The following ANKDD1A variants were observed in gnomAD, a reference collection of about 807,000 sequenced individuals.
ANKDD1A encodes the protein ankyrin repeat and death domain containing 1A, also known as ankyrin repeat and death domain-containing protein 1A.
ANKDD1A carries 59 observed loss-of-function variants against 63.5 expected under a neutral mutation model. The observed-to-expected ratio is 0.93, with a 90% confidence interval of 0.75 to 1.15. The LOEUF is 1.15. Ranked by LOEUF, ANKDD1A falls within the 50% of genes most tolerant of loss-of-function variation. ANKDD1A has a pLI of 0.00. For missense variants in ANKDD1A, 632 were observed against 656.4 expected (o/e 0.96, Z 0.41); for synonymous variants, 266 against 263.9 (o/e 1.01, Z -0.08).
intron 3 of ANKDD1A, among the ~76,000 whole-genome samples, chr15:64,917,835 G>A (rs2084981421): frequency 1.3e-5 from 2 of 152,218 alleles, no homozygotes; most frequent in African/African-American, 2.4e-5. Flanking sequence ...AAAGCACCAG[G>A]AGGAAAGTCT....
Position 64,949,948 on chromosome 15 carries a change from G to A in ANKDD1A, c.1459G>A (p.Ala487Thr). Reference sequence around the variant, plus strand: ...CAAAGCGCTGTTCGAGGGCCTCGTGGCCATTGGCAGGAGGGACCTGGCTGG... The same window carrying A: ...CAAAGCGCTGTTCGAGGGCCTCGTGACCATTGGCAGGAGGGACCTGGCTGG... ...PSKALFEGLV[A>T]IGRRDLAGWS... Residue 487 changes from alanine to threonine, a missense_variant, in exon 14 of 15, where the codon GCC becomes ACC. By Grantham distance (58) the Ala-to-Thr change is moderately conservative (BLOSUM62 0). Coordinates refer to ENST00000319580, the MANE Select transcript of ANKDD1A (RefSeq NM_182703.6). The A allele has an allele frequency of 3.1e-6, 5 of 1,610,122 alleles. No homozygotes were observed. The highest frequency in any genetic ancestry group is 4.2e-6 in the Non-Finnish European group (5 of 1,179,956).
In ANKDD1A at chr15:64,951,005, C is replaced by G; in HGVS notation, c.1483+1033C>G. On this transcript the variant is annotated intron_variant, in intron 14 of 14. Coordinates refer to ENST00000319580, the MANE Select transcript of ANKDD1A (RefSeq NM_182703.6). Reference sequence around the variant, plus strand: ...GCCCCGAGTGCCCCCAGGAGGTGCACAGCCATGTAACCGGAGGGGCCAGAC... The same window carrying G: ...GCCCCGAGTGCCCCCAGGAGGTGCAGAGCCATGTAACCGGAGGGGCCAGAC... 2.4e-6 allele frequency: 3 copies of G among 1,270,850 alleles called. No individual in the cohort carries two copies. The South Asian group carries it at 3.9e-5, about 16-fold the overall frequency. The allele number at this position is 1,270,850 out of a possible 1,614,324, so 78.7% of individuals were successfully genotyped here. A position where few individuals can be genotyped will look rare whatever the true frequency, so the allele number is the denominator to read the frequency against.
chr15:64,930,675 C>G (rs190860634), intron 6 of ANKDD1A, 147 bp from the exon 7 acceptor site: 1 of 678,014 alleles, frequency 1.5e-6, no homozygotes, highest in Admixed American at 2.9e-5. Context: ...GGGCTTGGCC[C>G]TTGAATCTGC....
intron 1 of ANKDD1A, among the ~76,000 whole-genome samples, chr15:64,914,410 CT>C (rs2084954869): frequency 6.6e-6 from 1 of 152,178 alleles, no homozygotes; most frequent in Non-Finnish European, 1.5e-5. Flanking sequence ...GCCTTAGCTT[CT>C]TGAGTAGCCG....
intron 14 of ANKDD1A, among the ~76,000 whole-genome samples, chr15:64,952,508 TCTTA>T (rs1013316186): frequency 4.6e-5 from 3 of 65,324 alleles, no homozygotes; most frequent in African/African-American, 1.7e-4. Flanking sequence ...TTCTCCTTCT[TCTTA>T]CTTTCTTCTT....
chr15:64,937,153 G>T (rs887169801), intron 9 of ANKDD1A, among the ~76,000 whole-genome samples: 2 of 149,970 alleles, frequency 1.3e-5, no homozygotes, highest in Admixed American at 6.6e-5. Context: ...TAGGGAAATA[G>T]ACACCTTCAT....
At chr15:64,926,668 G>A (rs1286403725) in intron 5 of ANKDD1A, among the ~76,000 whole-genome samples, 1 of 152,140 alleles carries the variant, frequency 6.6e-6, no homozygotes, top group Non-Finnish European at 1.5e-5. Flanking sequence ...TAGGCAGCAA[G>A]GAGCCACCTC....
chr15:64,957,041 A>G, intron 14 of ANKDD1A, 62 bp from the exon 15 acceptor site: 3 of 447,056 alleles, frequency 6.7e-6, no homozygotes, highest in Non-Finnish European at 1.3e-5. Flanking sequence ...TTTCTGAGCT[A>G]CACTTTAAGG....
At chr15:64,936,783 G>T (rs1270781035) in intron 9 of ANKDD1A, among the ~76,000 whole-genome samples, 2 of 152,128 alleles carry the variant, frequency 1.3e-5, no homozygotes, top group Admixed American at 6.5e-5. Flanking sequence ...GGTTGAGGCT[G>T]CAGTGAGCTG....
chr15:64,956,535 A>G (rs554446929), intron 14 of ANKDD1A, among the ~76,000 whole-genome samples: 1 of 148,802 alleles, frequency 6.7e-6, no homozygotes, highest in African/African-American at 2.4e-5. Context: ...CCTGGGCGAC[A>G]GAGCAAGACT....
At chr15:64,922,042 C>G in intron 4 of ANKDD1A, 23 bp downstream of exon 4, 1 of 1,608,974 alleles carries the variant, frequency 6.2e-7, no homozygotes, top group Non-Finnish European at 8.5e-7. Flanking sequence ...CTGGTAGACC[C>G]CTGTCCCCTC....
At chr15:64,943,607 G>T in intron 11 of ANKDD1A, 25 bp downstream of exon 11, 1 of 1,609,122 alleles carries the variant, frequency 6.2e-7, no homozygotes. Context: ...AACCCACCTC[G>T]CTTCAGGCTT....
chr15:64,933,804 G>T (rs1270800764), intron 8 of ANKDD1A, among the ~76,000 whole-genome samples: 1 of 146,526 alleles, frequency 6.8e-6, no homozygotes, highest in African/African-American at 2.5e-5. Flanking sequence ...ATTGTGCCAT[G>T]TACTCCAGCT....
intron 14 of ANKDD1A, among the ~76,000 whole-genome samples, chr15:64,952,784 TCTC>T (rs2085320623): frequency 2.4e-4 from 5 of 20,620 alleles, no homozygotes; most frequent in African/African-American, 3.2e-4. Context: ...TCTTCTTCCT[TCTC>T]CTTCTTCTTT....
chr15:64,944,709 A>G lies in ANKDD1A; in HGVS notation c.1123A>G (p.Met375Val), dbSNP rs2085210320. The G allele has an allele frequency of 2.5e-6, 4 of 1,614,054 alleles. No individual in the cohort carries two copies. The highest frequency in any genetic ancestry group is 1.3e-5 in the African/African-American group (1 of 74,914). The stretch of plus-strand genomic sequence containing the variant: ...CAGCAACCATGTCAGCCTGGTGGAC[A>G]TGATCATAAAAGCTGATCGTTTCTA... ...VRSNHVSLVD[M>V]IIKADRFYRW... The change falls in exon 12 of 15, where the codon ATG (methionine) becomes GTG (valine). Residue 375 changes from methionine to valine, a missense_variant. Met to Val is a conservative substitution (Grantham distance 21). Transcript: ENST00000319580.
rs1394351131 is a variant in ANKDD1A, at chr15:64,917,430, G to T, written c.183G>T (p.Glu61Asp). The T allele has an allele frequency of 2.5e-6, 4 of 1,610,812 alleles. No homozygotes were observed. The highest frequency in any genetic ancestry group is 3.4e-6 in the Non-Finnish European group (4 of 1,179,162). ...ACTGGGCTGCAGGTGCAGGGCACGA[G>T]CAGGCTGTGCGTCTGCTTCTGGAGC... Reference protein sequence around the residue: ...ALHWAAGAGHEQAVRLLLEHE... With the variant: ...ALHWAAGAGHDQAVRLLLEHE... Residue 61 changes from glutamate to aspartate, a missense_variant, in exon 3 of 15, where the codon GAG (glutamate) becomes GAT (aspartate). Physicochemically the swap from Glu to Asp is conservative, Grantham distance 45. Coordinates refer to ENST00000319580, the MANE Select transcript of ANKDD1A (RefSeq NM_182703.6).
intron 14 of ANKDD1A, among the ~76,000 whole-genome samples, chr15:64,952,014 T>G (rs1047929740): frequency 6.6e-6 from 1 of 150,480 alleles, no homozygotes; most frequent in African/African-American, 2.4e-5. Context: ...TTCTTCCATC[T>G]TCTATCTTCT....
chr15:64,941,503 A>G (rs1294923826), intron 9 of ANKDD1A, among the ~76,000 whole-genome samples: 1 of 152,180 alleles, frequency 6.6e-6, no homozygotes, highest in East Asian at 1.9e-4. Context: ...TAACTATACA[A>G]TTACATGTCT....
At chr15:64,954,643 C>T (rs1010952998) in intron 14 of ANKDD1A, among the ~76,000 whole-genome samples, 884 of 36,302 alleles carry the variant, frequency 0.024, 6 homozygotes, top group African/African-American at 0.043. Flanking sequence ...TTTCTTCTTC[C>T]TTCTTCTTCT....
Sources: gnomAD v4.1 joint callset for allele counts (sites outside exome capture counted in the v4.1 genomes callset) on GRCh38, gnomAD v4.1.1 for gene constraint, MANE v1.5 for transcripts, NCBI Gene and HGNC (gene_info 2026-07-23, HGNC 2026-07-21) for gene names.